The following CFTR variants were observed in gnomAD, a reference collection of about 807,000 sequenced individuals.
CFTR encodes CF transmembrane conductance regulator, also known as cystic fibrosis transmembrane conductance regulator.
A neutral mutation model predicts 171.6 loss-of-function variants in CFTR; 181 were observed. That is an observed-to-expected ratio of 1.05 (90% CI 0.93 to 1.19). The LOEUF is 1.19. CFTR is among the 50% of genes most tolerant of loss of function. CFTR has a pLI of 0.00. For missense variants in CFTR, 1,968 were observed against 1,734.7 expected, an observed-to-expected ratio of 1.13 and a Z score of -2.39; for synonymous variants, 583 against 608.0, an observed-to-expected ratio of 0.96 and a Z score of 0.60.
chr7:117,625,585 T>C (rs1792639179), intron 21 of CFTR, among the ~76,000 whole-genome samples: 1 of 152,186 alleles, frequency 6.6e-6, no homozygotes, highest in Non-Finnish European at 1.5e-5. Context: ...ATAGTGTCTT[T>C]CCTATCTTGC....
intron 10 of CFTR, among the ~76,000 whole-genome samples, chr7:117,551,494 CGTT>C (rs1799270131): frequency 1.3e-5 from 2 of 152,026 alleles, no homozygotes; most frequent in Admixed American, 1.3e-4. Flanking sequence ...AAAGTAATAA[CGTT>C]GTTGACTTTT....
At chr7:117,596,230 C>T (rs973534202) in intron 15 of CFTR, among the ~76,000 whole-genome samples, 4 of 152,190 alleles carry the variant, frequency 2.6e-5, no homozygotes, top group East Asian at 1.9e-4. Flanking sequence ...GGGCAGGCCC[C>T]GCACTCGGAG....
At chr7:117,596,087 A>G (rs1293558197) in intron 15 of CFTR, among the ~76,000 whole-genome samples, 1 of 152,084 alleles carries the variant, frequency 6.6e-6, no homozygotes, top group Non-Finnish European at 1.5e-5. Context: ...GCACTGTGGG[A>G]GCCCCTTTCT....
In CFTR at chr7:117,525,895, AT is replaced by A. The variant is rs1798768944; in HGVS notation, c.274-5002del. On this transcript the variant is annotated intron_variant, in intron 3 of 26. Coordinates refer to ENST00000003084, the MANE Select transcript of CFTR (RefSeq NM_000492.4). Reference sequence around the variant, plus strand: ...TAGTCCATTTATATTTAAAGTTAATATTGTTATGTGTGAATTTGATCCTGTC... The same window carrying A: ...TAGTCCATTTATATTTAAAGTTAATATGTTATGTGTGAATTTGATCCTGTC... Among the ~76,000 whole-genome samples, 7 of 150,298 alleles carry A rather than the reference AT, an allele frequency of 4.7e-5. No individual in the cohort carries two copies. In the South Asian group the frequency reaches 1.1e-3, roughly 23 times the overall value.
At chr7:117,648,751 G>A (rs530479981) in intron 23 of CFTR, among the ~76,000 whole-genome samples, 1 of 152,172 alleles carries the variant, frequency 6.6e-6, no homozygotes, top group African/African-American at 2.4e-5. Flanking sequence ...ATGAGTTTGT[G>A]GAAAGTTCAA....
chr7:117,500,119 A>G lies in CFTR; in HGVS notation c.54-4134A>G, dbSNP rs540286248. On this transcript the variant is annotated intron_variant, in intron 1 of 26. Transcript: ENST00000003084. ...TGCATTTAAACATTCTAGGTTTAAT[A>G]TACTCAGGGTTTTTCAAAAGAAAGG... Among the ~76,000 whole-genome samples the G allele has an allele frequency of 1.2e-3, 184 of 152,238 alleles. 1 individual carries two copies. Among genetic ancestry groups the G allele is most frequent in the Middle Eastern group, 6.8e-3 (2 of 294 alleles).
intron 9 of CFTR, among the ~76,000 whole-genome samples, chr7:117,544,849 A>G (rs1657205450): frequency 6.6e-6 from 1 of 152,214 alleles, no homozygotes; most frequent in South Asian, 2.1e-4. Context: ...CCAATCTATT[A>G]AAACTGTTAT....
intron 24 of CFTR, among the ~76,000 whole-genome samples, chr7:117,661,294 CTG>C (rs1396068615): frequency 6.6e-6 from 1 of 152,154 alleles, no homozygotes; most frequent in Non-Finnish European, 1.5e-5. Flanking sequence ...AAAATGTCCC[CTG>C]TGTTGGTCAG....
At chr7:117,572,457 A>C (rs1003606290) in intron 11 of CFTR, among the ~76,000 whole-genome samples, 1 of 152,158 alleles carries the variant, frequency 6.6e-6, no homozygotes, top group Non-Finnish European at 1.5e-5. Context: ...CCCAATTTTA[A>C]TTTCTGAATT....
intron 11 of CFTR, among the ~76,000 whole-genome samples, chr7:117,576,111 G>T (rs986704593): frequency 2.0e-5 from 3 of 151,870 alleles, no homozygotes; most frequent in Non-Finnish European, 2.9e-5. Flanking sequence ...TTTTTCATTG[G>T]AAAGCCATTT....
chr7:117,595,134 T>C (rs552313836), intron 15 of CFTR, 76 bp downstream of exon 15: 2 of 1,173,814 alleles, frequency 1.7e-6, no homozygotes, highest in Admixed American at 1.8e-5. Context: ...TACATATATA[T>C]GCACACACAT....
At chr7:117,656,882 G>C (rs897067590) in intron 24 of CFTR, among the ~76,000 whole-genome samples, 2 of 152,252 alleles carry the variant, frequency 1.3e-5, no homozygotes, top group Non-Finnish European at 1.5e-5. Context: ...GACCCTGCCA[G>C]GAGCTTTGAA....
chr7:117,637,583 A>C (rs1792846677), intron 22 of CFTR, among the ~76,000 whole-genome samples: 3 of 152,148 alleles, frequency 2.0e-5, no homozygotes, highest in Admixed American at 1.3e-4. Context: ...TTATAAGAAT[A>C]GAATGCTCTG....
intron 11 of CFTR, among the ~76,000 whole-genome samples, chr7:117,568,718 T>A (rs1453559291): frequency 6.6e-6 from 1 of 152,214 alleles, no homozygotes; most frequent in Non-Finnish European, 1.5e-5. Context: ...AACATATCCA[T>A]CACTCACATA....
At chr7:117,540,871 G>T (rs537027732) in intron 8 of CFTR, among the ~76,000 whole-genome samples, 1 of 152,232 alleles carries the variant, frequency 6.6e-6, no homozygotes, top group African/African-American at 2.4e-5. Flanking sequence ...TCCTAGACCT[G>T]TCTTATTTAA....
In CFTR at chr7:117,503,654, G is replaced by C. The variant is rs188190915; in HGVS notation, c.54-599G>C. Among the ~76,000 whole-genome samples the C allele has an allele frequency of 1.4e-4, 22 of 152,236 alleles. No homozygotes were observed. The East Asian group carries it at 2.9e-3, about 20-fold the overall frequency. On this transcript the variant is annotated intron_variant, in intron 1 of 26. Coordinates refer to ENST00000003084, the MANE Select transcript of CFTR (RefSeq NM_000492.4). ...ATGAGTGTAGCTGCTATGGAGTGAG[G>C]AGACAAAACATAAGAAAGTTATGAT...
chr7:117,518,938 C>A (rs766612312), intron 3 of CFTR, among the ~76,000 whole-genome samples: 26 of 152,132 alleles, frequency 1.7e-4, no homozygotes, highest in Non-Finnish European at 3.2e-4. Context: ...TTTAACACAT[C>A]TTTCATTATT....
At chr7:117,603,080 G>A (rs1264061299) in intron 16 of CFTR, among the ~76,000 whole-genome samples, 1 of 152,122 alleles carries the variant, frequency 6.6e-6, no homozygotes, top group African/African-American at 2.4e-5. Flanking sequence ...TGACGCAGGA[G>A]GATCACTTGA....
chr7:117,628,119 A>T (rs968245526), intron 22 of CFTR, among the ~76,000 whole-genome samples: 2 of 152,178 alleles, frequency 1.3e-5, no homozygotes, highest in Admixed American at 1.3e-4. Context: ...TGCTGACTCC[A>T]TCTATTGTCT....
Sources: allele counts gnomAD v4.1 joint callset (sites outside exome capture counted in the v4.1 genomes callset), GRCh38; gene constraint gnomAD v4.1.1; transcripts MANE v1.5; gene names NCBI Gene and HGNC (gene_info 2026-07-23, HGNC 2026-07-21).